TLE6: variants seen among roughly 807,000 people sequenced by gnomAD.
TLE6 encodes transducin-like enhancer protein 6.
TLE6 carries 72 observed loss-of-function variants against 77.1 expected under a neutral mutation model. The ratio of observed to expected loss-of-function variants is 0.93; its 90% CI spans 0.77 to 1.14. The LOEUF (loss-of-function observed/expected upper bound fraction) is 1.14, where lower values mean the gene tolerates loss of function less well. TLE6 is among the 50% of genes most tolerant of loss of function. The probability of loss-of-function intolerance (pLI) is 0.00; values close to 1 mark genes in which losing one functional copy is unlikely to be tolerated. For missense variants in TLE6, 843 were observed against 747.6 expected (o/e 1.13, Z -1.49); for synonymous variants, 366 against 287.3 (o/e 1.27, Z -2.77).
chr19:2,989,614 G>T lies in TLE6; in HGVS notation c.1073G>T (p.Ser358Ile). 6.2e-7 allele frequency: 1 copy of T among 1,614,064 alleles called. No homozygotes were observed. The highest frequency in any genetic ancestry group is 8.5e-7 in the Non-Finnish European group (1 of 1,180,008). ...SLLTGGYNLA[S>I]VSVWDLAAPS... ...CTCACCGGTGGCTACAACCTGGCCAGCGTGAGCGTGTGGGACCTGGCGGCG... is the reference window on the plus strand; with the variant it reads ...CTCACCGGTGGCTACAACCTGGCCATCGTGAGCGTGTGGGACCTGGCGGCG... The change falls in exon 13 of 17, where the codon AGC becomes ATC. Residue 358 changes from serine (S) to isoleucine (I), a missense_variant. Physicochemically the swap from Ser to Ile is moderately radical, Grantham distance 142. Coordinates refer to ENST00000246112, the MANE Select transcript of TLE6 (RefSeq NM_001143986.2).
intron 4 of TLE6, 28 bp from the exon 5 acceptor site, chr19:2,982,120 C>CGATG (rs2088810290): frequency 6.4e-7 from 1 of 1,551,380 alleles, no homozygotes; most frequent in Non-Finnish European, 8.7e-7. Context: ...GACCACCTCC[C>CGATG]GATGGGATCT....
At chr19:2,982,334 T>G (rs1262348788) in intron 5 of TLE6, 145 bp downstream of exon 5, 5 of 833,466 alleles carry the variant, frequency 6.0e-6, no homozygotes, top group Non-Finnish European at 7.7e-6. Flanking sequence ...GGTCAGGAGT[T>G]CGAGACCAGC....
intron 3 of TLE6, 137 bp downstream of exon 3, chr19:2,980,319 C>A (rs1400482218): frequency 1.7e-6 from 1 of 599,796 alleles, no homozygotes; most frequent in Admixed American, 3.2e-5. Flanking sequence ...CATGCAGATA[C>A]CCAGCATGGA....
At chr19:2,986,228 CATA>C (rs2088907679) in intron 5 of TLE6, among the ~76,000 whole-genome samples, 1 of 151,398 alleles carries the variant, frequency 6.6e-6, no homozygotes, top group African/African-American at 2.4e-5. Context: ...GCCTGGCCAA[CATA>C]ATGAGACTCC....
chr19:2,989,334 C>T (rs754575456), intron 12 of TLE6, 21 bp downstream of exon 12: 1 of 1,609,180 alleles, frequency 6.2e-7, no homozygotes, highest in Non-Finnish European at 8.5e-7. Flanking sequence ...CCTTGGTTTC[C>T]AGGGATGCAG....
intron 5 of TLE6, among the ~76,000 whole-genome samples, chr19:2,985,053 C>G (rs1174226803): frequency 1.3e-5 from 2 of 151,652 alleles, no homozygotes; most frequent in Non-Finnish European, 2.9e-5. Flanking sequence ...GAGTTCGAGA[C>G]CAGCCTGGCC....
rs574582052 is a variant in TLE6, at chr19:2,987,490, C to T, written c.558+118C>T. On this transcript the variant is annotated intron_variant, in intron 8 of 16. Transcript: ENST00000246112. ...TTTGTCTTCCTTCCATCCTGCCCCT[C>T]GGGTCCCCCGGGGGGGACTTGGGTG... is the stretch of plus-strand genomic sequence containing the variant. The T allele has an allele frequency of 3.0e-4, 442 of 1,455,922 alleles. 5 individuals are homozygous for T. The South Asian group carries it at 4.8e-3, about 16-fold the overall frequency. The allele number at this position is 1,455,922 out of a possible 1,614,324, so 90.2% of individuals were successfully genotyped here. A position where few individuals can be genotyped will look rare whatever the true frequency, so the allele number is the denominator to read the frequency against.
At chr19:2,985,973 C>T (rs1253752583) in intron 5 of TLE6, among the ~76,000 whole-genome samples, 3 of 141,824 alleles carry the variant, frequency 2.1e-5, no homozygotes, top group South Asian at 2.3e-4. Context: ...ACTTGGGAGG[C>T]TGAGGCAGGA....
chr19:2,978,150 T>C, intron 1 of TLE6, 48 bp from the exon 2 acceptor site: 1 of 1,436,604 alleles, frequency 7.0e-7, no homozygotes, highest in Admixed American at 2.0e-5. Context: ...TCCCTGGCAC[T>C]GCCTTATTTT....
rs776563123 is a variant in TLE6, at chr19:2,989,526, C to G, written c.994-9C>G. On this transcript the variant is annotated splice_polypyrimidine_tract_variant and intron_variant, in intron 12 of 16. Coordinates refer to ENST00000246112, the MANE Select transcript of TLE6 (RefSeq NM_001143986.2). ...GGGCGACAGCTCACAGTGACTCTGC[C>G]CATCCCAGACCCCTGGGGCCTTCCT... 2 of 1,607,644 alleles carry G rather than the reference C, an allele frequency of 1.2e-6. No homozygotes were observed. Among genetic ancestry groups the G allele is most frequent in the Non-Finnish European group, 1.7e-6 (2 of 1,177,310 alleles).
intron 15 of TLE6, 70 bp downstream of exon 15, chr19:2,993,652 C>T (rs1431744063): frequency 3.3e-6 from 5 of 1,494,364 alleles, no homozygotes; most frequent in East Asian, 2.3e-5. Context: ...CCACCTAATG[C>T]CAGCTCCCCA....
chr19:2,993,299 C>G (rs1043058374), intron 14 of TLE6, 133 bp from the exon 15 acceptor site: 11 of 883,912 alleles, frequency 1.2e-5, no homozygotes, highest in Middle Eastern at 3.6e-4. Context: ...TACGAAGTTG[C>G]TTGTCCCAGG....
At chr19:2,983,737 C>T (rs1192764480) in intron 5 of TLE6, among the ~76,000 whole-genome samples, 1 of 152,052 alleles carries the variant, frequency 6.6e-6, no homozygotes, top group Non-Finnish European at 1.5e-5. Context: ...AGGGCAGGCC[C>T]TGGCTACTGC....
chr19:2,979,817 C>T (rs1366470092), intron 2 of TLE6, among the ~76,000 whole-genome samples: 1 of 19,668 alleles, frequency 5.1e-5, no homozygotes, highest in African/African-American at 2.0e-4. Flanking sequence ...CGGGGGCGGG[C>T]GGGGGAGGGG....
At chr19:2,988,629 G>T (rs1473608580) in intron 11 of TLE6, among the ~76,000 whole-genome samples, 2 of 152,060 alleles carry the variant, frequency 1.3e-5, no homozygotes, top group Non-Finnish European at 2.9e-5. Context: ...TCACAGGATC[G>T]CCGCCCCAAC....
rs1025451862 is a variant in TLE6, at chr19:2,995,060, C to CA, written c.*56_*57insA. ...TCCTCTTTTCATCCCCCCCCTTCCCCCCCCCCAACAAGGGGGACATGGTGG... is the reference window on the plus strand; with the variant it reads ...TCCTCTTTTCATCCCCCCCCTTCCCCACCCCCCAACAAGGGGGACATGGTGG... On this transcript the variant is annotated 3_prime_UTR_variant, in exon 17 of 17. Coordinates refer to ENST00000246112, the MANE Select transcript of TLE6 (RefSeq NM_001143986.2). 64 of 1,027,458 alleles carry CA rather than the reference C, an allele frequency of 6.2e-5. No individual in the cohort carries two copies. The African/African-American group carries it at 9.6e-4, about 15-fold the overall frequency. 63.6% of individuals were successfully genotyped at this position (1,027,458 alleles called of 1,614,324 possible).
intron 13 of TLE6, 22 bp downstream of exon 13, chr19:2,989,807 G>C: frequency 4.3e-6 from 7 of 1,611,886 alleles, no homozygotes; most frequent in South Asian, 1.1e-5. Flanking sequence ...GGGTGGGAAG[G>C]GGAAGCATCC....
At position 2,995,064 on chromosome 19, in the gene TLE6, C is replaced by CCT. The variant is rs1555687667; in HGVS notation, c.*61_*62insTC. The CCT allele has an allele frequency of 8.8e-6, 9 of 1,023,248 alleles. No homozygotes were observed. Among genetic ancestry groups the CCT allele is most frequent in the African/African-American group, 7.9e-5 (5 of 63,154 alleles). The allele number at this position is 1,023,248 out of a possible 1,614,324, so 63.4% of individuals were successfully genotyped here. ...CTTTTCATCCCCCCCCTTCCCCCCCCCCAACAAGGGGGACATGGTGGAGGG... is the reference window on the plus strand; with the variant it reads ...CTTTTCATCCCCCCCCTTCCCCCCCCCTCCAACAAGGGGGACATGGTGGAGGG... On this transcript the variant is annotated 3_prime_UTR_variant, in exon 17 of 17. Transcript: ENST00000246112.
At chr19:2,991,510 A>G (rs936956951) in intron 13 of TLE6, among the ~76,000 whole-genome samples, 9 of 151,096 alleles carry the variant, frequency 6.0e-5, no homozygotes, top group Non-Finnish European at 1.3e-4. Context: ...AAAATACAGC[A>G]CACCACCCGC....
Sources: allele counts gnomAD v4.1 joint callset (sites outside exome capture counted in the v4.1 genomes callset), GRCh38; gene constraint gnomAD v4.1.1; transcripts MANE v1.5; gene names NCBI Gene and HGNC (gene_info 2026-07-23, HGNC 2026-07-21).